PPP4R2: variants seen among roughly 807,000 people sequenced by gnomAD.
The protein encoded by PPP4R2 is protein phosphatase 4 regulatory subunit 2.
In PPP4R2, 13 loss-of-function variants were observed where a neutral mutation model predicts 47.2. The ratio of observed to expected loss-of-function variants is 0.28; its 90% CI spans 0.18 to 0.44. The LOEUF (loss-of-function observed/expected upper bound fraction) is 0.44. Ranked by LOEUF, PPP4R2 falls within the 20% of genes least tolerant of loss-of-function variation. The pLI, the probability that PPP4R2 is intolerant of heterozygous loss-of-function variation, is 1.00. For synonymous variants in PPP4R2, 151 were observed against 163.3 expected, an observed-to-expected ratio of 0.92 and a Z score of 0.57; for missense variants, 421 against 491.2, an observed-to-expected ratio of 0.86 and a Z score of 1.35.
At chr3:73,003,681 A>G (rs1701532791) in intron 2 of PPP4R2, among the ~76,000 whole-genome samples, 1 of 147,830 alleles carries the variant, frequency 6.8e-6, no homozygotes, top group South Asian at 2.1e-4. Flanking sequence ...AATTGAAACA[A>G]TATTTCTGGA....
intron 2 of PPP4R2, among the ~76,000 whole-genome samples, chr3:73,024,190 G>T (rs1000990524): frequency 6.6e-6 from 1 of 152,066 alleles, no homozygotes; most frequent in African/African-American, 2.4e-5. Flanking sequence ...TGGGTCTGAT[G>T]CAGGAACATT....
intron 2 of PPP4R2, among the ~76,000 whole-genome samples, chr3:73,008,733 C>G (rs1701664450): frequency 6.6e-6 from 1 of 152,062 alleles, no homozygotes; most frequent in African/African-American, 2.4e-5. Flanking sequence ...GATAAGAAAA[C>G]TTGGGGGACA....
rs369020432 is a variant in PPP4R2 at position 73,016,349 on chromosome 3, G to GT, written c.116+18194dup. Among the ~76,000 whole-genome samples, 837 of 152,074 alleles carry GT rather than the reference G, an allele frequency of 5.5e-3. 8 individuals carry two copies. The highest frequency in any genetic ancestry group is 0.019 in the African/African-American group (786 of 41,484). ...TCTAGAGATGTTTTTGGTTGCTACA[G>GT]TTTGGGGGCATGCTGCCGGCATCTA... is the stretch of plus-strand genomic sequence containing the variant. On this transcript the variant is annotated intron_variant, in intron 2 of 8. Coordinates refer to ENST00000356692, the MANE Select transcript of PPP4R2 (RefSeq NM_174907.4).
chr3:73,028,296 C>A (rs1413076386), intron 2 of PPP4R2, among the ~76,000 whole-genome samples: 1 of 151,634 alleles, frequency 6.6e-6, no homozygotes, highest in Non-Finnish European at 1.5e-5. Context: ...TACTCAGCCT[C>A]CCAAAGGCTG....
chr3:73,031,135 A>G (rs1221868885), intron 2 of PPP4R2, among the ~76,000 whole-genome samples: 1 of 152,226 alleles, frequency 6.6e-6, no homozygotes, highest in African/African-American at 2.4e-5. Flanking sequence ...AGTAAGTATA[A>G]CATATGTAAA....
At chr3:73,023,269 A>C (rs2107258312) in intron 2 of PPP4R2, among the ~76,000 whole-genome samples, 1 of 143,762 alleles carries the variant, frequency 7.0e-6, no homozygotes, top group South Asian at 2.4e-4. Flanking sequence ...TGCTCACTGC[A>C]ACCTCTGCCT....
intron 2 of PPP4R2, among the ~76,000 whole-genome samples, chr3:73,017,945 A>G (rs1251074149): frequency 6.6e-6 from 1 of 151,998 alleles, no homozygotes; most frequent in Non-Finnish European, 1.5e-5. Flanking sequence ...CCAGGCTCAT[A>G]CCAGCATGTT....
chr3:73,035,438 G>A (rs111237698), intron 2 of PPP4R2, among the ~76,000 whole-genome samples: 3 of 152,172 alleles, frequency 2.0e-5, no homozygotes, highest in African/African-American at 7.2e-5. Context: ...TCTGGCAAGG[G>A]TGCAGAAAAA....
chr3:73,024,642 C>T (rs1702022453), intron 2 of PPP4R2, among the ~76,000 whole-genome samples: 1 of 152,124 alleles, frequency 6.6e-6, no homozygotes, highest in Admixed American at 6.6e-5. Flanking sequence ...CTCTCTCCTT[C>T]CTTCCTGCCT....
intron 2 of PPP4R2, among the ~76,000 whole-genome samples, chr3:73,010,039 A>T (rs779593479): frequency 1.8e-4 from 28 of 152,140 alleles, no homozygotes; most frequent in Non-Finnish European, 3.2e-4. Context: ...TTACCTGAAT[A>T]TTAAATATTT....
intron 2 of PPP4R2, among the ~76,000 whole-genome samples, chr3:73,011,326 A>G (rs1297230854): frequency 6.6e-6 from 1 of 152,120 alleles, no homozygotes; most frequent in Non-Finnish European, 1.5e-5. Flanking sequence ...CTGAAAATAG[A>G]AAAAATTAGC....
intron 2 of PPP4R2, among the ~76,000 whole-genome samples, chr3:73,006,050 T>C (rs935903674): frequency 6.6e-6 from 1 of 152,132 alleles, no homozygotes; most frequent in Non-Finnish European, 1.5e-5. Context: ...AAGCAACTTT[T>C]TGTCAATGTA....
chr3:73,053,542 A>C (rs1034034766), intron 3 of PPP4R2, among the ~76,000 whole-genome samples: 2 of 152,178 alleles, frequency 1.3e-5, no homozygotes, highest in African/African-American at 4.8e-5. Context: ...CAATTGCTAT[A>C]GATTAATTTT....
chr3:73,044,415 T>C (rs1018518075), intron 2 of PPP4R2, among the ~76,000 whole-genome samples: 1 of 152,048 alleles, frequency 6.6e-6, no homozygotes, highest in African/African-American at 2.4e-5. Flanking sequence ...TGAAACCCCG[T>C]CTCTACTAAA....
intron 2 of PPP4R2, chr3:73,016,147 A>G (rs1701827283): frequency 6.6e-6 from 1 of 152,272 alleles, no homozygotes; most frequent in Non-Finnish European, 1.5e-5. Flanking sequence ...AATGCTGTTT[A>G]ATTAAGCTAA....
intron 2 of PPP4R2, among the ~76,000 whole-genome samples, chr3:73,011,245 C>T (rs1039883823): frequency 2.0e-5 from 3 of 152,040 alleles, no homozygotes; most frequent in East Asian, 1.9e-4. Context: ...TTTGGGAGGC[C>T]GAGGCGGGTG....
chr3:73,060,106 C>T (rs1299180886), intron 4 of PPP4R2, among the ~76,000 whole-genome samples: 2 of 152,132 alleles, frequency 1.3e-5, no homozygotes, highest in Non-Finnish European at 2.9e-5. Context: ...CGGAAACACT[C>T]CCCTGTTCAT....
chr3:73,034,338 T>A (rs1270378464), intron 2 of PPP4R2, among the ~76,000 whole-genome samples: 1 of 152,168 alleles, frequency 6.6e-6, no homozygotes, highest in Admixed American at 6.5e-5. Flanking sequence ...ATCTATAGTT[T>A]TTGTGTGTGT....
Position 73,046,898 on chromosome 3 carries a change from T to C in PPP4R2, c.117-288T>C, listed in dbSNP as rs573266938. 2.0e-5 allele frequency among the ~76,000 whole-genome samples: 3 copies of C among 152,228 alleles called. No homozygotes were observed. The South Asian group carries it at 6.2e-4, about 32-fold the overall frequency. ...AGTCAAAATATTATTTTAAACATAC[T>C]AAGAATAGGACCTAACACACCATAG... is the stretch of plus-strand genomic sequence containing the variant. On this transcript the variant is annotated intron_variant, in intron 2 of 8. Transcript: ENST00000356692.
Sources: allele counts gnomAD v4.1 joint callset (sites outside exome capture counted in the v4.1 genomes callset), GRCh38; gene constraint gnomAD v4.1.1; transcripts MANE v1.5; gene names NCBI Gene and HGNC (gene_info 2026-07-23, HGNC 2026-07-21).